The following ERC2 variants were observed in gnomAD, a reference collection of about 807,000 sequenced individuals.
The protein encoded by ERC2 is ERC protein 2.
ERC2 carries 42 observed loss-of-function variants against 114.8 expected under a neutral mutation model. The ratio of observed to expected loss-of-function variants is 0.37; its 90% CI spans 0.29 to 0.47. ERC2 has a LOEUF of 0.47. ERC2 is among the 20% of genes least tolerant of loss of function. ERC2 has a pLI of 0.99. For synonymous variants in ERC2, 454 were observed against 425.5 expected, an observed-to-expected ratio of 1.07 and a Z score of -0.82; for missense variants, 939 against 1,150.7, an observed-to-expected ratio of 0.82 and a Z score of 2.66.
chr3:56,100,062 A>C (rs910411563), intron 6 of ERC2, among the ~76,000 whole-genome samples: 1 of 152,216 alleles, frequency 6.6e-6, no homozygotes, highest in East Asian at 1.9e-4. Flanking sequence ...CTCTTTCAGG[A>C]ATTTGCAAAA....
At chr3:56,141,186 T>A (rs2080833155) in intron 5 of ERC2, among the ~76,000 whole-genome samples, 1 of 152,212 alleles carries the variant, frequency 6.6e-6, no homozygotes, top group South Asian at 2.1e-4. Context: ...GTAGATGATC[T>A]GCAGAGACAT....
intron 13 of ERC2, among the ~76,000 whole-genome samples, chr3:55,928,432 G>A (rs1211583594): frequency 6.6e-6 from 1 of 151,990 alleles, no homozygotes. Flanking sequence ...GTCTATTCAC[G>A]TCTTTTGCCC....
chr3:56,057,686 A>C (rs910466825), intron 7 of ERC2, among the ~76,000 whole-genome samples: 1 of 152,226 alleles, frequency 6.6e-6, no homozygotes, highest in African/African-American at 2.4e-5. Flanking sequence ...ACATGTATTG[A>C]TTAAGCTCCT....
At chr3:56,349,854 A>G (rs1195187280) in intron 2 of ERC2, among the ~76,000 whole-genome samples, 1 of 151,686 alleles carries the variant, frequency 6.6e-6, no homozygotes, top group Non-Finnish European at 1.5e-5. Context: ...TGGAGGTTGC[A>G]GTGAGCAGAG....
chr3:56,007,434 G>C, intron 9 of ERC2, 113 bp from the exon 10 acceptor site: 1 of 968,788 alleles, frequency 1.0e-6, no homozygotes, highest in East Asian at 2.8e-5. Context: ...AGACAGAAAG[G>C]GTAAATATAA....
intron 2 of ERC2, among the ~76,000 whole-genome samples, chr3:56,314,573 AC>A (rs1326918110): frequency 1.3e-5 from 2 of 152,118 alleles, no homozygotes; most frequent in African/African-American, 4.8e-5. Context: ...AACCAGAGAA[AC>A]TTTTTAGTTT....
At chr3:56,162,088 C>G (rs991078165) in intron 4 of ERC2, among the ~76,000 whole-genome samples, 1 of 152,100 alleles carries the variant, frequency 6.6e-6, no homozygotes, top group Non-Finnish European at 1.5e-5. Context: ...GGGTTTTTAT[C>G]ATGAAGGGAT....
intron 6 of ERC2, among the ~76,000 whole-genome samples, chr3:56,123,104 T>C (rs1330739864): frequency 6.6e-6 from 1 of 152,202 alleles, no homozygotes; most frequent in Admixed American, 6.5e-5. Flanking sequence ...GATTCCTCTC[T>C]TCCCAACCTC....
intron 14 of ERC2, among the ~76,000 whole-genome samples, chr3:55,803,278 A>G (rs1401521292): frequency 6.6e-6 from 1 of 152,210 alleles, no homozygotes; most frequent in Non-Finnish European, 1.5e-5. Flanking sequence ...AACTTATTAT[A>G]TGATATTCAA....
intron 12 of ERC2, among the ~76,000 whole-genome samples, chr3:55,953,650 C>G (rs2067730763): frequency 6.6e-6 from 1 of 152,098 alleles, no homozygotes; most frequent in South Asian, 2.1e-4. Context: ...AAGTGTTTCT[C>G]AGGGAAGCCC....
At chr3:56,229,699 T>A (rs1304120517) in intron 3 of ERC2, among the ~76,000 whole-genome samples, 1 of 152,060 alleles carries the variant, frequency 6.6e-6, no homozygotes. Context: ...GAAGACATGA[T>A]GTGGATTGAG....
chr3:55,815,752 C>T (rs976312627), intron 14 of ERC2, among the ~76,000 whole-genome samples: 5 of 152,202 alleles, frequency 3.3e-5, no homozygotes, highest in African/African-American at 7.2e-5. Context: ...ATGTAGCGGA[C>T]TCTAACCCAG....
At chr3:56,254,916 T>A (rs1431596100) in intron 3 of ERC2, among the ~76,000 whole-genome samples, 1 of 152,256 alleles carries the variant, frequency 6.6e-6, no homozygotes, top group East Asian at 1.9e-4. Context: ...AAAAAGAAGA[T>A]AATAATTTAG....
intron 2 of ERC2, among the ~76,000 whole-genome samples, chr3:56,349,225 T>C (rs1361931310): frequency 6.6e-6 from 1 of 152,148 alleles, no homozygotes; most frequent in Admixed American, 6.5e-5. Context: ...CACACCAAAA[T>C]GGTGACAACG....
At chr3:55,911,135 T>C (rs2149363332) in intron 13 of ERC2, among the ~76,000 whole-genome samples, 1 of 152,300 alleles carries the variant, frequency 6.6e-6, no homozygotes, top group Non-Finnish European at 1.5e-5. Context: ...CATACCCTGA[T>C]GATGTAACTT....
chr3:55,581,236 T>C (rs2057245641), intron 17 of ERC2, among the ~76,000 whole-genome samples: 2 of 152,276 alleles, frequency 1.3e-5, no homozygotes, highest in South Asian at 4.2e-4. Context: ...GTCCTAAGTC[T>C]CCCATCGCCA....
chr3:55,703,176 C>G (rs2063312983), intron 15 of ERC2, among the ~76,000 whole-genome samples: 1 of 152,188 alleles, frequency 6.6e-6, no homozygotes. Flanking sequence ...AGAGTGACAT[C>G]AGATTTCTGT....
intron 7 of ERC2, among the ~76,000 whole-genome samples, chr3:56,068,654 T>A (rs975453741): frequency 1.3e-5 from 2 of 152,222 alleles, no homozygotes; most frequent in Non-Finnish European, 2.9e-5. Flanking sequence ...CAATTTGAGA[T>A]CTTTCTAGCT....
intron 2 of ERC2, among the ~76,000 whole-genome samples, chr3:56,409,333 C>T (rs1462553858): frequency 1.3e-5 from 2 of 152,016 alleles, no homozygotes; most frequent in East Asian, 3.9e-4. Context: ...AGTCATCCTC[C>T]TGGGAATATA....
Sources: gnomAD v4.1 joint callset for allele counts (sites outside exome capture counted in the v4.1 genomes callset) on GRCh38, gnomAD v4.1.1 for gene constraint, MANE v1.5 for transcripts, NCBI Gene and HGNC (gene_info 2026-07-23, HGNC 2026-07-21) for gene names.